SEMA6C: variants seen among roughly 807,000 people sequenced by gnomAD.
SEMA6C encodes semaphorin-6C.
Under a neutral mutation model 72.9 loss-of-function variants are expected in SEMA6C, and 37 were observed. The ratio of observed to expected loss-of-function variants is 0.51; its 90% confidence interval spans 0.39 to 0.67. The LOEUF (loss-of-function observed/expected upper bound fraction) is 0.67. Among genes scored for constraint, SEMA6C ranks in the 30% least tolerant of loss-of-function variants. The pLI, the probability that SEMA6C is intolerant of heterozygous loss-of-function variation, is 0.00. For missense variants in SEMA6C, 1,189 were observed against 1,263.6 expected (o/e 0.94, Z 0.89); for synonymous variants, 578 against 554.1 (o/e 1.04, Z -0.61).
Position 151,131,933 on chromosome 1 carries a change from G to A in SEMA6C, c.*551C>T, listed in dbSNP as rs587734391. 282 of 215,390 alleles carry A rather than the reference G, an allele frequency of 1.3e-3. No individual in the cohort carries two copies. Among genetic ancestry groups the A allele is most frequent in the African/African-American group, 5.8e-3 (245 of 42,040 alleles). The allele number at this position is 215,390 out of a possible 1,614,324, so 13.3% of individuals were successfully genotyped here. The stretch of plus-strand genomic sequence containing the variant: ...AAACCTTTCCAGACTGCCCCCCGGC[G>A]GGACCGCAGCCATCCCATTACCCGG... On this transcript the variant is annotated 3_prime_UTR_variant, in exon 19 of 19. Transcript: ENST00000368914.
intron 10 of SEMA6C, among the ~76,000 whole-genome samples, chr1:151,137,407 C>G (rs896004562): frequency 1.4e-5 from 2 of 141,608 alleles, no homozygotes; most frequent in African/African-American, 5.2e-5. Flanking sequence ...GATGGCGCCA[C>G]TGCACTCCAG....
intron 1 of SEMA6C, chr1:151,144,954 GGAT>G (rs1475032123): frequency 6.6e-6 from 1 of 152,282 alleles, no homozygotes; most frequent in Non-Finnish European, 1.5e-5. Context: ...ACTTTAGGCT[GGAT>G]TAGTCCAGCC....
intron 8 of SEMA6C, 38 bp from the exon 9 acceptor site, chr1:151,138,143 A>G: frequency 6.2e-7 from 1 of 1,609,274 alleles, no homozygotes. Context: ...GGGAGGGCTC[A>G]GGGATCTGTA....
intron 4 of SEMA6C, 121 bp downstream of exon 4, chr1:151,139,855 C>A: frequency 8.1e-7 from 1 of 1,231,040 alleles, no homozygotes; most frequent in Non-Finnish European, 1.2e-6. Flanking sequence ...CAAGCATGTC[C>A]ACACCCCGTG....
chr1:151,139,838 C>A (rs1309175655), intron 4 of SEMA6C, 137 bp from the exon 5 acceptor site: 1 of 1,228,834 alleles, frequency 8.1e-7, no homozygotes, highest in South Asian at 1.4e-5. Context: ...CATTTGTGCT[C>A]TGGGTCCAAG....
chr1:151,139,575 C>T (rs1682357571), intron 5 of SEMA6C, 63 bp downstream of exon 5: 1 of 1,606,160 alleles, frequency 6.2e-7, no homozygotes. Context: ...ACCCACCTGA[C>T]CCACATTAGA....
intron 15 of SEMA6C, 26 bp downstream of exon 15, chr1:151,135,137 A>C (rs757528230): frequency 6.2e-7 from 1 of 1,609,566 alleles, no homozygotes; most frequent in Admixed American, 1.7e-5. Context: ...TTGCCCACAC[A>C]GGGCCTGGCC....
At position 151,137,871 on chromosome 1, in the gene SEMA6C, C is replaced by T. The variant is rs968112939; in HGVS notation, c.668-72G>A. The T allele has an allele frequency of 7.5e-5, 119 of 1,578,770 alleles. No individual in the cohort carries two copies. The Middle Eastern group carries it at 1.0e-3, about 13-fold the overall frequency. On this transcript the variant is annotated intron_variant, in intron 9 of 18. Transcript: ENST00000368914. Reference sequence around the variant, plus strand: ...TGCTCAGAAGCTCCTGGCCCCACACCGCTCTCCCCATTGCATACATACACA... The same window carrying T: ...TGCTCAGAAGCTCCTGGCCCCACACTGCTCTCCCCATTGCATACATACACA...
Position 151,139,626 on chromosome 1 carries a change from ACAGCCCCTCACCTTGTTGGGCAC to A in SEMA6C, c.286_297+11del. 1 of 1,605,336 alleles carries A rather than the reference ACAGCCCCTCACCTTGTTGGGCAC, an allele frequency of 6.2e-7. No individual in the cohort carries two copies. Among genetic ancestry groups the A allele is most frequent in the Non-Finnish European group, 8.5e-7 (1 of 1,173,598 alleles). On this transcript the variant is annotated splice_donor_variant and splice_donor_5th_base_variant and coding_sequence_variant and intron_variant, in exon 5 of 19. Coordinates refer to ENST00000368914, the MANE Select transcript of SEMA6C (RefSeq NM_030913.6). LOFTEE classifies it high-confidence loss of function. ...TCTCCACGTCTGCACCTCTTCCCACACAGCCCCTCACCTTGTTGGGCACCAGCCCCTCCCCTTCTTCTTCGGCT... is the reference window on the plus strand; with the variant it reads ...TCTCCACGTCTGCACCTCTTCCCACACAGCCCCTCCCCTTCTTCTTCGGCT...
In SEMA6C at chr1:151,135,546, A is replaced by ATCC. The variant is rs774638391; in HGVS notation, c.1433+42_1433+44dup. The ATCC allele has an allele frequency of 6.7e-4, 1,058 of 1,576,734 alleles. 2 individuals are homozygous for ATCC. Among genetic ancestry groups the ATCC allele is most frequent in the Non-Finnish European group, 8.4e-4 (977 of 1,162,444 alleles). ...CCCGAATCTGCAGCTGCTACCTCCC[A>ATCC]TCCCCTCCCTGCTTTGCAGGGGGCC... On this transcript the variant is annotated intron_variant, in intron 14 of 18. Transcript: ENST00000368914.
In SEMA6C at chr1:151,145,742, G is replaced by C. The variant is rs919573804; in HGVS notation, c.-105+691C>G. On this transcript the variant is annotated intron_variant, in intron 1 of 18. Transcript: ENST00000368914. This position sits in a 1 kb window ranked among gnomAD's most constrained non-coding sequence, Gnocchi z 4.4. ...GGGTCTCCCAGGCCAGGGAAACAGG[G>C]CCAGAGGCTGAGAACCGACGAGGGC... is the stretch of plus-strand genomic sequence containing the variant. 1 of 152,870 alleles carries C rather than the reference G, an allele frequency of 6.5e-6. No individual in the cohort carries two copies. The highest frequency in any genetic ancestry group is 2.4e-5 in the African/African-American group (1 of 41,460). The allele number at this position is 152,870 out of a possible 1,614,324, so 9.5% of individuals were successfully genotyped here.
chr1:151,140,147 C>G (rs1270307936), intron 3 of SEMA6C, 57 bp from the exon 4 acceptor site: 2 of 1,440,320 alleles, frequency 1.4e-6, no homozygotes, highest in Admixed American at 1.9e-5. Flanking sequence ...CCAACACCCT[C>G]TCCAACCAGA....
chr1:151,137,467 A>G (rs1216911365), intron 10 of SEMA6C, among the ~76,000 whole-genome samples: 1 of 131,112 alleles, frequency 7.6e-6, no homozygotes, highest in African/African-American at 2.6e-5. Context: ...AAAAAAGAGC[A>G]CCAAGGGAGC....
rs1265777386 is a variant in SEMA6C, at chr1:151,132,453, TC to T, written c.*30del. On this transcript the variant is annotated 3_prime_UTR_variant, in exon 19 of 19. Transcript: ENST00000368914. Reference sequence around the variant, plus strand: ...CTCGTGGCCGAGAGGACTCGGGCGCTCCCCACGCTGGAGGCCGTGGGCCGCT... The same window carrying T: ...CTCGTGGCCGAGAGGACTCGGGCGCTCCCACGCTGGAGGCCGTGGGCCGCT... The T allele has an allele frequency of 4.6e-6, 7 of 1,536,870 alleles. No individual in the cohort carries two copies. The African/African-American group carries it at 9.7e-5, about 21-fold the overall frequency.
intron 16 of SEMA6C, 27 bp downstream of exon 16, chr1:151,134,771 C>G: frequency 6.2e-7 from 1 of 1,613,430 alleles, no homozygotes; most frequent in Non-Finnish European, 8.5e-7. Context: ...ATTTTATGCT[C>G]AGGAAACCCA....
At chr1:151,142,082 C>T (rs1436109506) in intron 3 of SEMA6C, among the ~76,000 whole-genome samples, 2 of 150,446 alleles carry the variant, frequency 1.3e-5, no homozygotes, top group African/African-American at 4.9e-5. Flanking sequence ...CGCTCTGTTG[C>T]CCAGGCTGGA....
chr1:151,132,353 T>C lies in SEMA6C; in HGVS notation c.*131A>G. The C allele has an allele frequency of 1.3e-6, 2 of 1,537,986 alleles. No homozygotes were observed. On this transcript the variant is annotated 3_prime_UTR_variant, in exon 19 of 19. Transcript: ENST00000368914. ...AATAAACCCGAGGCGAAAAGGGGCCTCGGGAGACTCTGCGAGTCGGGAAGG... is the reference window on the plus strand; with the variant it reads ...AATAAACCCGAGGCGAAAAGGGGCCCCGGGAGACTCTGCGAGTCGGGAAGG...
In SEMA6C at chr1:151,134,402, A is replaced by G; in HGVS notation, c.1758T>C (p.Tyr586=). 1 of 1,586,796 alleles carries G rather than the reference A, an allele frequency of 6.3e-7. No individual in the cohort carries two copies. Among genetic ancestry groups the G allele is most frequent in the South Asian group, 1.1e-5 (1 of 87,436 alleles). Residue 586 remains tyrosine, a splice_region_variant and synonymous_variant, in exon 18 of 19, where the codon TAT becomes TAC. Coordinates refer to ENST00000368914, the MANE Select transcript of SEMA6C (RefSeq NM_030913.6). ...GSQSGPGDSA[Y]GVRRDLPPAS... ...TGAGGTTGGGACAAGAGGACTCACCATAAGCAGAATCCCCAGGGCCAGACT... is the reference window on the plus strand; with the variant it reads ...TGAGGTTGGGACAAGAGGACTCACCGTAAGCAGAATCCCCAGGGCCAGACT...
rs1681789422 is a variant in SEMA6C, at chr1:151,133,828, C to T, written c.1760-311G>A. 2.1e-6 allele frequency: 2 copies of T among 942,794 alleles called. No individual in the cohort carries two copies. The highest frequency in any genetic ancestry group is 1.7e-5 in the African/African-American group (1 of 59,510). The allele number at this position is 942,794 out of a possible 1,614,324, so 58.4% of individuals were successfully genotyped here. ...TGCAGGAGAACTCGGGGCTGGGATG[C>T]CCAATTCTGGGGAAGGGAGGCTCCA... is the stretch of plus-strand genomic sequence containing the variant. On this transcript the variant is annotated intron_variant, in intron 18 of 18. Coordinates refer to ENST00000368914, the MANE Select transcript of SEMA6C (RefSeq NM_030913.6). The surrounding 1 kb of genome is among the most constrained non-coding windows in gnomAD (Gnocchi z 5.9).
Sources: gnomAD v4.1 joint callset for allele counts (sites outside exome capture counted in the v4.1 genomes callset) on GRCh38, gnomAD v4.1.1 for gene constraint, Gnocchi (gnomAD v3.1) non-coding constraint, MANE v1.5 for transcripts, NCBI Gene and HGNC (gene_info 2026-07-23, HGNC 2026-07-21) for gene names.